ZNF492: variants seen among roughly 807,000 people sequenced by gnomAD.
The protein encoded by ZNF492 is zinc finger protein 492, also known as zinc finger protein 115 (Y20).
A neutral mutation model predicts 6.4 loss-of-function variants in ZNF492; 3 were observed. That is an observed-to-expected ratio of 0.47 (90% CI 0.21 to 1.22). ZNF492 has a LOEUF of 1.22. Among genes scored for constraint, ZNF492 ranks in the 50% most tolerant of loss-of-function variants. The pLI, the probability that ZNF492 is intolerant of heterozygous loss-of-function variation, is 0.22. For missense variants in ZNF492, 356 were observed against 612.5 expected, an observed-to-expected ratio of 0.58 and a Z score of 4.42; for synonymous variants, 112 against 205.3, an observed-to-expected ratio of 0.55 and a Z score of 3.89.
At chr19:22,641,110 A>C (rs900206013) in intron 1 of ZNF492, among the ~76,000 whole-genome samples, 2 of 152,082 alleles carry the variant, frequency 1.3e-5, no homozygotes, top group African/African-American at 2.4e-5. Context: ...TCTTCCATTC[A>C]GAAATGATTT....
chr19:22,656,725 C>G (rs1193823863), intron 3 of ZNF492, among the ~76,000 whole-genome samples: 1 of 152,080 alleles, frequency 6.6e-6, no homozygotes, highest in East Asian at 1.9e-4. Context: ...ATTTTCTGGT[C>G]TGTAGCCAAG....
chr19:22,636,687 G>A (rs1417629173), intron 1 of ZNF492, among the ~76,000 whole-genome samples: 4 of 150,036 alleles, frequency 2.7e-5, no homozygotes, highest in Non-Finnish European at 5.9e-5. Flanking sequence ...CAGGCTGGAG[G>A]GCAATGGCAC....
At chr19:22,652,583 CTTT>C (rs923532853) in intron 1 of ZNF492, among the ~76,000 whole-genome samples, 1 of 130,720 alleles carries the variant, frequency 7.6e-6, no homozygotes. Flanking sequence ...ATTTTCTTTT[CTTT>C]TTTTTTTTTT....
intron 1 of ZNF492, among the ~76,000 whole-genome samples, chr19:22,645,422 T>A (rs925849405): frequency 2.0e-5 from 3 of 152,152 alleles, no homozygotes; most frequent in Non-Finnish European, 4.4e-5. Flanking sequence ...GAATATTAGA[T>A]CTTTGTCAGA....
chr19:22,640,616 CTTTTG>C (rs936644891), intron 1 of ZNF492, among the ~76,000 whole-genome samples: 1 of 152,024 alleles, frequency 6.6e-6, no homozygotes, highest in African/African-American at 2.4e-5. Flanking sequence ...AAGTTTTCTT[CTTTTG>C]TTTTATCTCT....
intron 3 of ZNF492, among the ~76,000 whole-genome samples, chr19:22,661,673 T>C (rs1440027766): frequency 6.6e-6 from 1 of 152,134 alleles, no homozygotes; most frequent in Non-Finnish European, 1.5e-5. Context: ...CTCAGCCCAC[T>C]GCAGCCTCCA....
intron 1 of ZNF492, among the ~76,000 whole-genome samples, chr19:22,635,533 G>C (rs1971752131): frequency 6.6e-6 from 1 of 152,206 alleles, no homozygotes; most frequent in Non-Finnish European, 1.5e-5. Flanking sequence ...CCCATGAGAA[G>C]AAAGCAAGGA....
At chr19:22,639,673 C>CG (rs1232210630) in intron 1 of ZNF492, among the ~76,000 whole-genome samples, 1 of 148,294 alleles carries the variant, frequency 6.7e-6, no homozygotes, top group Non-Finnish European at 1.5e-5. Context: ...ATCGCGCCAC[C>CG]GCACCCCAGC....
At chr19:22,641,461 G>A (rs1971824663) in intron 1 of ZNF492, among the ~76,000 whole-genome samples, 1 of 152,150 alleles carries the variant, frequency 6.6e-6, no homozygotes, top group African/African-American at 2.4e-5. Flanking sequence ...TGGCCTCTGT[G>A]TGTGGTTCAT....
rs866895150 is a variant in ZNF492 at position 22,663,861 on chromosome 19, A to G, written c.192A>G (p.Gln64=). 1 of 1,565,610 alleles carries G rather than the reference A, an allele frequency of 6.4e-7. No homozygotes were observed. ...AGCAGGGCAAAAAAAATTATTTCCA[A>G]AAAGTGATACTGAGAAGATATAAAA... ...WPKQGKKNYF[Q]KVILRRYKKC... Residue 64 remains glutamine, a synonymous_variant, in exon 4 of 4, where the codon CAA becomes CAG. Transcript: ENST00000456783.
Position 22,639,711 on chromosome 19 carries a change from CAAAA to C in ZNF492, c.-94+5250_-94+5253del, listed in dbSNP as rs34864212. On this transcript the variant is annotated intron_variant, in intron 1 of 3. Transcript: ENST00000456783. The stretch of plus-strand genomic sequence containing the variant: ...GGGCAATAAGAGCGAAACTTGGTCT[CAAAA>C]AAAAAAAAAAAAGAAAAGAAAAGAA... Among the ~76,000 whole-genome samples the C allele has an allele frequency of 1.3e-3, 121 of 90,584 alleles. 1 individual carries two copies. The highest frequency in any genetic ancestry group is 4.4e-3 in the African/African-American group (108 of 24,398). The allele number at this position is 90,584 out of a possible 152,430, so 59.4% of individuals were successfully genotyped here.
At chr19:22,648,816 C>T (rs1971910558) in intron 1 of ZNF492, among the ~76,000 whole-genome samples, 1 of 152,184 alleles carries the variant, frequency 6.6e-6, no homozygotes, top group African/African-American at 2.4e-5. Context: ...TGCTTCATCC[C>T]TATGTGTGTC....
intron 3 of ZNF492, among the ~76,000 whole-genome samples, chr19:22,654,533 T>C (rs1368655621): frequency 6.6e-6 from 1 of 152,042 alleles, no homozygotes; most frequent in Non-Finnish European, 1.5e-5. Flanking sequence ...TGTCCTTTTT[T>C]TTTCAAGATT....
chr19:22,659,591 C>CACAG (rs1408531521), intron 3 of ZNF492, among the ~76,000 whole-genome samples: 1 of 144,626 alleles, frequency 6.9e-6, no homozygotes, highest in Non-Finnish European at 1.5e-5. Context: ...CACACACACA[C>CACAG]AGAGAGAGAG....
intron 3 of ZNF492, among the ~76,000 whole-genome samples, chr19:22,662,586 C>T (rs1972070270): frequency 6.6e-6 from 1 of 151,968 alleles, no homozygotes; most frequent in African/African-American, 2.4e-5. Context: ...CACATCCTCT[C>T]CAGCACCTGT....
At chr19:22,656,391 T>C (rs550231116) in intron 3 of ZNF492, among the ~76,000 whole-genome samples, 44 of 152,016 alleles carry the variant, frequency 2.9e-4, no homozygotes, top group South Asian at 2.1e-3. Flanking sequence ...CACTTGGGTC[T>C]GCATATGGTA....
intron 3 of ZNF492, among the ~76,000 whole-genome samples, chr19:22,660,441 G>T (rs1392295076): frequency 3.3e-5 from 5 of 149,298 alleles, no homozygotes; most frequent in African/African-American, 9.9e-5. Flanking sequence ...GCACCTTGGG[G>T]GTTGCATAAA....
At chr19:22,650,233 C>T (rs1347759736) in intron 1 of ZNF492, among the ~76,000 whole-genome samples, 2 of 152,086 alleles carry the variant, frequency 1.3e-5, no homozygotes, top group African/African-American at 4.8e-5. Flanking sequence ...ATCTGGTTCA[C>T]TTCTGAACCT....
At chr19:22,641,857 G>C (rs8112564) in intron 1 of ZNF492, among the ~76,000 whole-genome samples, 1 of 151,830 alleles carries the variant, frequency 6.6e-6, no homozygotes, top group Non-Finnish European at 1.5e-5. Context: ...GCAGTGGGGC[G>C]ATCTCGGCTC....
Sources: allele counts gnomAD v4.1 joint callset (sites outside exome capture counted in the v4.1 genomes callset), GRCh38; gene constraint gnomAD v4.1.1; transcripts MANE v1.5; gene names NCBI Gene and HGNC (gene_info 2026-07-23, HGNC 2026-07-21).